Variants in PARD3 observed in about 807,000 individuals in gnomAD.
PARD3 encodes the protein partitioning defective 3 homolog.
A neutral mutation model predicts 155.4 loss-of-function variants in PARD3; 75 were observed. That is an observed-to-expected ratio of 0.48 (90% CI 0.40 to 0.58). The LOEUF (loss-of-function observed/expected upper bound fraction) is 0.58. Ranked by LOEUF, PARD3 falls within the 20% of genes least tolerant of loss-of-function variation. PARD3 has a pLI of 0.00. For missense variants in PARD3, 1,642 were observed against 1,721.7 expected, an observed-to-expected ratio of 0.95 and a Z score of 0.82; for synonymous variants, 576 against 610.5, an observed-to-expected ratio of 0.94 and a Z score of 0.83.
At chr10:34,794,607 C>G (rs1045433187) in intron 1 of PARD3, among the ~76,000 whole-genome samples, 5 of 152,226 alleles carry the variant, frequency 3.3e-5, no homozygotes, top group African/African-American at 1.2e-4. Flanking sequence ...CAGTATATTC[C>G]CATAAAGAAA....
intron 1 of PARD3, among the ~76,000 whole-genome samples, chr10:34,712,290 C>A (rs1200917592): frequency 6.6e-6 from 1 of 152,172 alleles, no homozygotes; most frequent in Non-Finnish European, 1.5e-5. Flanking sequence ...GTCCCTAAAC[C>A]ACAGTGTGGA....
chr10:34,613,718 A>T (rs1288780973), intron 2 of PARD3, among the ~76,000 whole-genome samples: 2 of 151,986 alleles, frequency 1.3e-5, no homozygotes, highest in Non-Finnish European at 2.9e-5. Flanking sequence ...CCTGTAGAAT[A>T]AAAAAAAGGT....
chr10:34,234,527 C>T (rs1039314367), intron 22 of PARD3, among the ~76,000 whole-genome samples: 5 of 152,140 alleles, frequency 3.3e-5, no homozygotes, highest in African/African-American at 1.2e-4. Context: ...CACATAGCTC[C>T]CTTCTGCCTG....
chr10:34,331,527 T>C (rs560441184), intron 18 of PARD3, among the ~76,000 whole-genome samples, 183 bp from the exon 19 acceptor site: 1 of 152,330 alleles, frequency 6.6e-6, no homozygotes, highest in Admixed American at 6.5e-5. Context: ...TTCCCAAACT[T>C]ATATTAGATT....
chr10:34,486,506 T>C (rs1233787276), intron 3 of PARD3, among the ~76,000 whole-genome samples: 1 of 152,246 alleles, frequency 6.6e-6, no homozygotes, highest in Non-Finnish European at 1.5e-5. Flanking sequence ...AGCCAGACAC[T>C]GAAATTCAAG....
intron 1 of PARD3, among the ~76,000 whole-genome samples, chr10:34,699,408 T>C (rs924055322): frequency 2.6e-5 from 4 of 152,198 alleles, no homozygotes; most frequent in Admixed American, 2.6e-4. Context: ...CCAGGAAGGA[T>C]ATTTTTGCCA....
intron 1 of PARD3, among the ~76,000 whole-genome samples, chr10:34,811,327 C>T (rs1215844537): frequency 1.3e-5 from 2 of 152,186 alleles, no homozygotes; most frequent in African/African-American, 4.8e-5. Context: ...CGCCTTTGTC[C>T]ATACTGCCTT....
chr10:34,797,310 C>T (rs935676784), intron 1 of PARD3, among the ~76,000 whole-genome samples: 5 of 152,178 alleles, frequency 3.3e-5, no homozygotes, highest in African/African-American at 1.2e-4. Flanking sequence ...GCCATCCCGC[C>T]TGGCTAATTT....
intron 2 of PARD3, among the ~76,000 whole-genome samples, chr10:34,642,853 A>T (rs1564452689): frequency 6.6e-6 from 1 of 152,174 alleles, no homozygotes; most frequent in Non-Finnish European, 1.5e-5. Flanking sequence ...CAGTGCAGCC[A>T]GATGACCTTA....
chr10:34,478,115 CAGAG>C (rs1166193043), intron 3 of PARD3, among the ~76,000 whole-genome samples: 1 of 152,130 alleles, frequency 6.6e-6, no homozygotes, highest in Non-Finnish European at 1.5e-5. Flanking sequence ...ACAAATGACT[CAGAG>C]AGAAGGATAT....
At chr10:34,366,623 A>C (rs1299338211) in intron 12 of PARD3, among the ~76,000 whole-genome samples, 1 of 152,188 alleles carries the variant, frequency 6.6e-6, no homozygotes, top group Non-Finnish European at 1.5e-5. Context: ...TAAAGAGAGA[A>C]TATACTTATT....
intron 15 of PARD3, chr10:34,343,743 T>C (rs1837084704): frequency 2.0e-6 from 2 of 984,550 alleles, no homozygotes; most frequent in African/African-American, 1.7e-5. Context: ...AAACCTTCTA[T>C]GACTTGAGAA....
Position 34,777,003 on chromosome 10 carries a change from A to ATT in PARD3, c.120+37871_120+37872dup, listed in dbSNP as rs758917237. Among the ~76,000 whole-genome samples the ATT allele has an allele frequency of 8.3e-3, 1,015 of 122,352 alleles. 30 individuals are homozygous for ATT. The highest frequency in any genetic ancestry group is 0.03 in the African/African-American group (895 of 29,532). 80.3% of individuals were successfully genotyped at this position (122,352 alleles called of 152,430 possible). On this transcript the variant is annotated intron_variant, in intron 1 of 24. Transcript: ENST00000374788. Reference sequence around the variant, plus strand: ...AGGCATGTGCCACCATGTCTGGCTAATTTTTTTTTTTTTTTTTTTTTGTAT... The same window carrying ATT: ...AGGCATGTGCCACCATGTCTGGCTAATTTTTTTTTTTTTTTTTTTTTTTGTAT...
At chr10:34,736,732 TG>T (rs2094923276) in intron 1 of PARD3, among the ~76,000 whole-genome samples, 1 of 152,010 alleles carries the variant, frequency 6.6e-6, no homozygotes, top group Admixed American at 6.6e-5. Context: ...TGGAGTGAAG[TG>T]GTGCAATCTA....
Position 34,682,991 on chromosome 10 carries a change from A to G in PARD3, c.222+13327T>C, listed in dbSNP as rs569390932. ...GCCGACAACGGCAACCACAATTAACATTTCCTGGGACCTTATTCTTGCCGA... is the reference window on the plus strand; with the variant it reads ...GCCGACAACGGCAACCACAATTAACGTTTCCTGGGACCTTATTCTTGCCGA... On this transcript the variant is annotated intron_variant, in intron 2 of 24. Coordinates refer to ENST00000374788, the MANE Select transcript of PARD3 (RefSeq NM_001184785.2). Among the ~76,000 whole-genome samples the G allele has an allele frequency of 6.6e-5, 10 of 152,340 alleles. No homozygotes were observed. In the South Asian group the frequency reaches 2.1e-3, roughly 32 times the overall value.
At chr10:34,720,021 C>G (rs770281337) in intron 1 of PARD3, among the ~76,000 whole-genome samples, 2 of 152,202 alleles carry the variant, frequency 1.3e-5, no homozygotes, top group Non-Finnish European at 2.9e-5. Context: ...GATGGACACA[C>G]AAGCAATGGA....
chr10:34,801,817 G>T, intron 1 of PARD3, among the ~76,000 whole-genome samples: 1 of 152,162 alleles, frequency 6.6e-6, no homozygotes, highest in Middle Eastern at 3.4e-3. Flanking sequence ...GGCCTATATA[G>T]TAAGGATTAG....
At chr10:34,520,175 C>A (rs1372496040) in intron 2 of PARD3, among the ~76,000 whole-genome samples, 1 of 152,166 alleles carries the variant, frequency 6.6e-6, no homozygotes, top group Non-Finnish European at 1.5e-5. Context: ...AATGCTATTT[C>A]CATGAACATT....
chr10:34,617,475 A>C (rs73269403), intron 2 of PARD3, among the ~76,000 whole-genome samples: 9,145 of 152,144 alleles, frequency 0.06, 863 homozygotes, highest in African/African-American at 0.2. Context: ...TGGAAGAGAA[A>C]ATTTTTAATG....
Sources: allele counts gnomAD v4.1 joint callset (sites outside exome capture counted in the v4.1 genomes callset), GRCh38; gene constraint gnomAD v4.1.1; transcripts MANE v1.5; gene names NCBI Gene and HGNC (gene_info 2026-07-23, HGNC 2026-07-21).